Variants in DNAH11 observed in about 807,000 individuals in gnomAD.
DNAH11 encodes the protein dynein axonemal heavy chain 11.
In DNAH11, 442 loss-of-function variants were observed where a neutral mutation model predicts 526.0. That is an observed-to-expected ratio of 0.84 (90% CI 0.78 to 0.91). The LOEUF (loss-of-function observed/expected upper bound fraction) is 0.91. Ranked by LOEUF, DNAH11 falls within the 40% of genes least tolerant of loss-of-function variation. The pLI, the probability that DNAH11 is intolerant of heterozygous loss-of-function variation, is 0.00. For missense variants in DNAH11, 6,989 were observed against 5,448.7 expected, an observed-to-expected ratio of 1.28 and a Z score of -8.90; for synonymous variants, 2,461 against 1,935.9, an observed-to-expected ratio of 1.27 and a Z score of -7.12.
chr7:21,831,765 C>T (rs984718197), intron 65 of DNAH11, among the ~76,000 whole-genome samples: 1 of 152,172 alleles, frequency 6.6e-6, no homozygotes, highest in Non-Finnish European at 1.5e-5. Context: ...CGGAGGTTAA[C>T]TCAGATACTT....
In DNAH11 at chr7:21,687,118, C is replaced by T; in HGVS notation, c.5641C>T (p.Gln1881Ter). 1.2e-6 allele frequency: 2 copies of T among 1,613,100 alleles called. No homozygotes were observed. The highest frequency in any genetic ancestry group is 1.1e-5 in the South Asian group (1 of 90,836). The change falls in exon 33 of 82, where the codon CAA becomes TAA. Residue 1881 changes from glutamine to a stop codon, truncating the protein, a stop_gained. Coordinates refer to ENST00000409508, the MANE Select transcript of DNAH11 (RefSeq NM_001277115.2). LOFTEE classifies it high-confidence loss of function. Reference sequence around the variant, plus strand: ...TTAAAGGTGTTATATTACCTTAACTCAATCACTTCATCTAACCATGAGTGG... The same window carrying T: ...TTAAAGGTGTTATATTACCTTAACTTAATCACTTCATCTAACCATGAGTGG... ...LTDRCYITLT[Q>*]SLHLTMSGAP...
intron 63 of DNAH11, among the ~76,000 whole-genome samples, chr7:21,815,718 T>C (rs1789754045): frequency 6.6e-6 from 1 of 152,178 alleles, no homozygotes; most frequent in Non-Finnish European, 1.5e-5. Flanking sequence ...AATAAATGTT[T>C]GGTGATTGAT....
chr7:21,886,833 C>A (rs1784140958), intron 76 of DNAH11, among the ~76,000 whole-genome samples: 1 of 152,160 alleles, frequency 6.6e-6, no homozygotes, highest in African/African-American at 2.4e-5. Context: ...ATTTAGGTAC[C>A]TGACCTTACA....
At chr7:21,642,309 T>G (rs528377363) in intron 28 of DNAH11, among the ~76,000 whole-genome samples, 175 of 152,230 alleles carry the variant, frequency 1.1e-3, no homozygotes, top group African/African-American at 4.1e-3. Flanking sequence ...AAGAGTGACT[T>G]GTTGAGAAGG....
intron 54 of DNAH11, among the ~76,000 whole-genome samples, chr7:21,762,729 G>C (rs938979944): frequency 2.0e-5 from 3 of 152,148 alleles, no homozygotes; most frequent in Non-Finnish European, 4.4e-5. Flanking sequence ...ATTGGACCTT[G>C]TCTTACAACC....
At position 21,564,144 on chromosome 7, in the gene DNAH11, A is replaced by C. The variant is rs777392264; in HGVS notation, c.983-42A>C. 2.7e-5 allele frequency: 39 copies of C among 1,466,502 alleles called. No homozygotes were observed. The South Asian group carries it at 4.9e-4, about 18-fold the overall frequency. The allele number at this position is 1,466,502 out of a possible 1,614,324, so 90.8% of individuals were successfully genotyped here. On this transcript the variant is annotated intron_variant, in intron 5 of 81. Transcript: ENST00000409508. ...TAAAGTGAATTTAGAAAAAAAAAAA[A>C]AACAAACCAGAATCACGTTAATGGT...
intron 58 of DNAH11, 102 bp from the exon 59 acceptor site, chr7:21,786,522 G>C: frequency 1.4e-6 from 2 of 1,394,120 alleles, no homozygotes; most frequent in African/African-American, 1.4e-5. Context: ...GTTTGATAAG[G>C]AGAAGTGGGA....
Position 21,837,298 on chromosome 7 carries a change from G to A in DNAH11, c.10692-5246G>A, listed in dbSNP as rs1055267091. Among the ~76,000 whole-genome samples the A allele has an allele frequency of 2.0e-5, 3 of 152,132 alleles. 1 individual carries two copies. Among genetic ancestry groups the A allele is most frequent in the South Asian group, 4.1e-4 (2 of 4,828 alleles). The stretch of plus-strand genomic sequence containing the variant: ...TATCTGCACTTGCATGTTTATTGTA[G>A]CATTGTTCACATTAGCCAAGATCTG... On this transcript the variant is annotated intron_variant, in intron 65 of 81. Coordinates refer to ENST00000409508, the MANE Select transcript of DNAH11 (RefSeq NM_001277115.2).
Position 21,559,685 on chromosome 7 carries a change from G to T in DNAH11, c.775G>T (p.Glu259Ter). ...EWSHQIQEIIERDSVQRLLNG... is the reference protein window; with the variant it reads ...EWSHQIQEII ...GTCACATCAAATCCAAGAAATTATA[G>T]AAAGAGATTCAGTGCAGCGTTTGTT... The change falls in exon 4 of 82, where the codon GAA becomes TAA. Residue 259 changes from glutamate to a stop codon, truncating the protein, a stop_gained. Coordinates refer to ENST00000409508, the MANE Select transcript of DNAH11 (RefSeq NM_001277115.2). LOFTEE classifies it high-confidence loss of function. 6.2e-7 allele frequency: 1 copy of T among 1,611,490 alleles called. No individual in the cohort carries two copies.
intron 61 of DNAH11, among the ~76,000 whole-genome samples, chr7:21,797,949 A>G (rs1017737233): frequency 6.6e-6 from 1 of 152,246 alleles, no homozygotes; most frequent in African/African-American, 2.4e-5. Flanking sequence ...ATGCATTAAG[A>G]CACATTTTAT....
At chr7:21,862,073 G>T (rs1783085423) in intron 69 of DNAH11, 50 bp downstream of exon 69, 4 of 1,505,456 alleles carry the variant, frequency 2.7e-6, no homozygotes, top group Non-Finnish European at 3.6e-6. Flanking sequence ...AAAGGCAGAT[G>T]CCTCTGTTTA....
intron 46 of DNAH11, among the ~76,000 whole-genome samples, chr7:21,736,419 C>A (rs560017977): frequency 6.6e-6 from 1 of 152,028 alleles, no homozygotes; most frequent in Non-Finnish European, 1.5e-5. Flanking sequence ...GAGCTGATGT[C>A]GGAAGGCCAG....
chr7:21,839,516 AG>A (rs1208548750), intron 65 of DNAH11, among the ~76,000 whole-genome samples: 1 of 151,654 alleles, frequency 6.6e-6, no homozygotes, highest in Non-Finnish European at 1.5e-5. Context: ...CAGAGCTTTC[AG>A]GGATCCGAGA....
intron 61 of DNAH11, among the ~76,000 whole-genome samples, chr7:21,795,275 AC>A (rs1484134328): frequency 2.0e-5 from 3 of 152,180 alleles, no homozygotes; most frequent in Admixed American, 1.3e-4. Flanking sequence ...AGTACCTAGT[AC>A]CTAGTGGGTA....
intron 8 of DNAH11, among the ~76,000 whole-genome samples, chr7:21,580,637 G>T (rs1302372634): frequency 6.6e-6 from 1 of 152,200 alleles, no homozygotes. Context: ...GTTCACAGAT[G>T]GCACTTTCTA....
chr7:21,730,350 A>G (rs977995426), intron 45 of DNAH11, among the ~76,000 whole-genome samples: 1 of 152,234 alleles, frequency 6.6e-6, no homozygotes, highest in Non-Finnish European at 1.5e-5. Context: ...GAGGACTGGC[A>G]TGATGCTCAA....
intron 74 of DNAH11, among the ~76,000 whole-genome samples, chr7:21,877,441 G>A (rs1014520393): frequency 4.6e-5 from 7 of 152,160 alleles, no homozygotes; most frequent in African/African-American, 1.7e-4. Context: ...TTTGGCATGT[G>A]TATTCAAAAT....
At chr7:21,766,885 A>C (rs986085373) in intron 55 of DNAH11, among the ~76,000 whole-genome samples, 1 of 152,108 alleles carries the variant, frequency 6.6e-6, no homozygotes, top group Non-Finnish European at 1.5e-5. Flanking sequence ...TCTAACTTGG[A>C]AGATATATAT....
chr7:21,585,684 T>C (rs1373461161), intron 9 of DNAH11, among the ~76,000 whole-genome samples: 1 of 152,182 alleles, frequency 6.6e-6, no homozygotes, highest in Non-Finnish European at 1.5e-5. Context: ...TTGAAAAGTA[T>C]TAAAATGTGA....
Sources: allele counts gnomAD v4.1 joint callset (sites outside exome capture counted in the v4.1 genomes callset), GRCh38; gene constraint gnomAD v4.1.1; transcripts MANE v1.5; gene names NCBI Gene and HGNC (gene_info 2026-07-23, HGNC 2026-07-21).